Variants in TRIO observed in about 807,000 individuals in gnomAD.
TRIO encodes the protein triple functional domain protein.
Under a neutral mutation model 351.9 loss-of-function variants are expected in TRIO, and 58 were observed. The observed-to-expected ratio is 0.16, with a 90% confidence interval of 0.13 to 0.21. TRIO has a LOEUF of 0.21. Ranked by LOEUF, TRIO falls within the 10% of genes least tolerant of loss-of-function variation. TRIO has a pLI of 1.00. For synonymous variants in TRIO, 1,758 were observed against 1,595.7 expected (o/e 1.10, Z -2.42); for missense variants, 3,201 against 4,027.8 (o/e 0.79, Z 5.56).
chr5:14,267,012 T>C (rs1224736312), intron 1 of TRIO, among the ~76,000 whole-genome samples: 1 of 152,206 alleles, frequency 6.6e-6, no homozygotes, highest in Non-Finnish European at 1.5e-5. Flanking sequence ...GTATTTCAGA[T>C]AGTAGCAAAA....
intron 8 of TRIO, among the ~76,000 whole-genome samples, chr5:14,311,962 A>G (rs1306787416): frequency 6.6e-6 from 1 of 152,196 alleles, no homozygotes; most frequent in Non-Finnish European, 1.5e-5. Context: ...TTTGGACCTA[A>G]TTGATATGCT....
intron 1 of TRIO, among the ~76,000 whole-genome samples, chr5:14,252,159 G>A (rs1045699908): frequency 6.6e-6 from 1 of 152,154 alleles, no homozygotes; most frequent in African/African-American, 2.4e-5. Flanking sequence ...TAAAAATTAA[G>A]CATCTTTTAT....
chr5:14,191,318 C>A (rs377625540), intron 1 of TRIO, among the ~76,000 whole-genome samples: 2 of 152,262 alleles, frequency 1.3e-5, no homozygotes, highest in East Asian at 1.9e-4. Flanking sequence ...AAAGGCCAGG[C>A]ACAGTGGCTG....
chr5:14,321,344 C>A (rs1739861404), intron 9 of TRIO, among the ~76,000 whole-genome samples: 1 of 152,232 alleles, frequency 6.6e-6, no homozygotes, highest in Admixed American at 6.5e-5. Flanking sequence ...TGGGGTCAGG[C>A]ACAGAAAACG....
At chr5:14,333,805 GC>G (rs1741140345) in intron 10 of TRIO, among the ~76,000 whole-genome samples, 1 of 151,922 alleles carries the variant, frequency 6.6e-6, no homozygotes, top group Non-Finnish European at 1.5e-5. Context: ...CACCAGTTAG[GC>G]CCCCACCCTG....
Position 14,488,294 on chromosome 5 carries a change from C to T in TRIO, c.7632+34C>T, listed in dbSNP as rs1379766950. 5 of 1,522,022 alleles carry T rather than the reference C, an allele frequency of 3.3e-6. No homozygotes were observed. In the East Asian group the frequency reaches 1.2e-4, roughly 37 times the overall value. 94.3% of individuals were successfully genotyped at this position (1,522,022 alleles called of 1,614,324 possible). On this transcript the variant is annotated intron_variant, in intron 48 of 56. Coordinates refer to ENST00000344204, the MANE Select transcript of TRIO (RefSeq NM_007118.4). Reference sequence around the variant, plus strand: ...GTCGGGGGGCCCGCGCCCTCCCGCCCCCCTGCCTCTGTCCCGCCAGCTCTA... The same window carrying T: ...GTCGGGGGGCCCGCGCCCTCCCGCCTCCCTGCCTCTGTCCCGCCAGCTCTA...
intron 27 of TRIO, among the ~76,000 whole-genome samples, chr5:14,393,836 CT>C (rs1412032744): frequency 2.0e-5 from 3 of 152,198 alleles, no homozygotes; most frequent in East Asian, 3.8e-4. Context: ...CAAAGTACCC[CT>C]TCCTCTCCAG....
intron 28 of TRIO, 110 bp from the exon 29 acceptor site, chr5:14,396,933 A>C: frequency 1.2e-6 from 1 of 842,866 alleles, no homozygotes. Context: ...AGTTGACCAC[A>C]TTCTGTTTTT....
chr5:14,188,278 A>G (rs146450290), intron 1 of TRIO, among the ~76,000 whole-genome samples: 1 of 152,350 alleles, frequency 6.6e-6, no homozygotes, highest in East Asian at 1.9e-4. Context: ...CAATGCTGCC[A>G]TGTATTGTTC....
Position 14,366,976 on chromosome 5 carries a change from T to C in TRIO, c.2871T>C (p.Ile957=), listed in dbSNP as rs780071525. 1.9e-5 allele frequency: 30 copies of C among 1,613,846 alleles called. No homozygotes were observed. Among genetic ancestry groups the C allele is most frequent in the Non-Finnish European group, 2.5e-5 (29 of 1,179,832 alleles). ...QREHEQFQHA[I]EKTHQSALQV... ...AGCACGAGCAGTTCCAGCATGCCATTGAGGTAAGGGCGCTGGGCCTGCCTG... is the reference window on the plus strand; with the variant it reads ...AGCACGAGCAGTTCCAGCATGCCATCGAGGTAAGGGCGCTGGGCCTGCCTG... Residue 957 remains isoleucine, a synonymous_variant, in exon 16 of 57, where the codon ATT becomes ATC. Transcript: ENST00000344204.
At chr5:14,228,261 G>T (rs1367104717) in intron 1 of TRIO, among the ~76,000 whole-genome samples, 1 of 152,206 alleles carries the variant, frequency 6.6e-6, no homozygotes, top group Admixed American at 6.5e-5. Context: ...GTTTTATGGG[G>T]CACAGAATGG....
chr5:14,151,924 T>C (rs749945189), intron 1 of TRIO, among the ~76,000 whole-genome samples: 1 of 152,242 alleles, frequency 6.6e-6, no homozygotes, highest in Non-Finnish European at 1.5e-5. Context: ...ATTAAAATTC[T>C]GTTGTTTTTT....
chr5:14,263,453 CA>C (rs1795474872), intron 1 of TRIO, among the ~76,000 whole-genome samples: 1 of 152,196 alleles, frequency 6.6e-6, no homozygotes, highest in South Asian at 2.1e-4. Flanking sequence ...TTTTCTTTTG[CA>C]TTAAAACACA....
At chr5:14,467,483 G>A (rs114894689) in intron 37 of TRIO, among the ~76,000 whole-genome samples, 57 of 152,302 alleles carry the variant, frequency 3.7e-4, no homozygotes, top group African/African-American at 1.3e-3. Flanking sequence ...TTGCTAGGGT[G>A]TGGTAGATAA....
intron 34 of TRIO, among the ~76,000 whole-genome samples, chr5:14,447,329 G>T (rs986556466): frequency 5.3e-5 from 8 of 152,154 alleles, no homozygotes; most frequent in Admixed American, 3.9e-4. Context: ...AAATTAGTAT[G>T]TTGTCATGTG....
intron 45 of TRIO, 104 bp downstream of exon 45, chr5:14,481,722 G>T: frequency 3.2e-5 from 33 of 1,017,794 alleles, no homozygotes; most frequent in South Asian, 2.1e-4. Context: ...TTTTCACTTG[G>T]TTTTCTGGCT....
At chr5:14,169,069 T>C (rs1050602197) in intron 1 of TRIO, among the ~76,000 whole-genome samples, 2 of 152,204 alleles carry the variant, frequency 1.3e-5, no homozygotes, top group Non-Finnish European at 2.9e-5. Flanking sequence ...AATTGGGTTA[T>C]TTGAGGTGAA....
intron 32 of TRIO, 121 bp from the exon 33 acceptor site, chr5:14,406,452 C>T: frequency 1.1e-6 from 1 of 895,810 alleles, no homozygotes; most frequent in Admixed American, 1.8e-5. Context: ...CCATTGTCCG[C>T]ATCCTGGCAG....
chr5:14,309,592 T>C (rs746667698), intron 8 of TRIO, among the ~76,000 whole-genome samples: 1 of 152,230 alleles, frequency 6.6e-6, no homozygotes, highest in Non-Finnish European at 1.5e-5. Flanking sequence ...AATCTCCATT[T>C]TCAGAGGCCT....
Sources: allele counts gnomAD v4.1 joint callset (sites outside exome capture counted in the v4.1 genomes callset), GRCh38; gene constraint gnomAD v4.1.1; transcripts MANE v1.5; gene names NCBI Gene and HGNC (gene_info 2026-07-23, HGNC 2026-07-21).